The following AJM1 variants were observed in gnomAD, a reference collection of about 807,000 sequenced individuals.
The protein encoded by AJM1 is uncharacterized protein C9orf172.
A neutral mutation model predicts 43.0 loss-of-function variants in AJM1; 22 were observed. That is an observed-to-expected ratio of 0.51 (90% confidence interval 0.37 to 0.73). The LOEUF is 0.73. Among genes scored for constraint, AJM1 ranks in the 30% least tolerant of loss-of-function variants. The pLI is 0.00. For missense variants in AJM1, 1,305 were observed against 1,343.3 expected (o/e 0.97, Z 0.45); for synonymous variants, 719 against 638.3 (o/e 1.13, Z -1.91).
chr9:136,842,860 TG>T (rs1848721694), intron 1 of AJM1, among the ~76,000 whole-genome samples: 1 of 152,052 alleles, frequency 6.6e-6, no homozygotes. Context: ...CACCGACAGC[TG>T]CAGCCAGCAA....
rs1223267080 is a variant in AJM1, at chr9:136,846,764, G to A, written c.2350G>A (p.Glu784Lys). The change falls in exon 3 of 3, where the codon GAG becomes AAG. Residue 784 changes from glutamate to lysine, a missense_variant. By Grantham distance (56) the Glu-to-Lys change is moderately conservative (BLOSUM62 1). Transcript: ENST00000436881. ...ATCCCCCACCTACCTATCGCTGCGT[G>A]AGCTGGCCACACACGCGGCGCCCCT... ...LLSPTYLSLR[E>K]LATHAAPLGS... 1 of 1,598,218 alleles carries A rather than the reference G, an allele frequency of 6.3e-7. No homozygotes were observed. The highest frequency in any genetic ancestry group is 8.5e-7 in the Non-Finnish European group (1 of 1,176,638).
rs1399574299 is a variant in AJM1 at position 136,845,942 on chromosome 9, G to A, written c.1528G>A (p.Glu510Lys). The change falls in exon 3 of 3, where the codon GAG (glutamate) becomes AAG (lysine). Residue 510 changes from glutamate (E) to lysine (K), a missense_variant. Transcript: ENST00000436881. ...ACGCTACGCCGCACTGTCCCTGTCC[G>A]AGACGTCGCTGACGGAGAAGGGCCG... ...PRRYAALSLS[E>K]TSLTEKGRAG... 3 of 1,554,054 alleles carry A rather than the reference G, an allele frequency of 1.9e-6. No individual in the cohort carries two copies. Among genetic ancestry groups the A allele is most frequent in the Non-Finnish European group, 2.6e-6 (3 of 1,150,142 alleles).
Position 136,845,324 on chromosome 9 carries a change from G to A in AJM1, c.910G>A (p.Ala304Thr), listed in dbSNP as rs200347553. ...FAASPGPTFD[A>T]YYPRPYPSEE... ...AGCCAGTCCCGGCCCAACCTTCGAC[G>A]CCTACTACCCCAGGCCCTATCCGTC... Residue 304 changes from alanine to threonine, a missense_variant, in exon 3 of 3, where the codon GCC (alanine) becomes ACC (threonine). Ala to Thr is a moderately conservative substitution (Grantham distance 58). Coordinates refer to ENST00000436881, the MANE Select transcript of AJM1 (RefSeq NM_001080482.5). The A allele has an allele frequency of 8.3e-5, 134 of 1,612,144 alleles. No homozygotes were observed. In the African/African-American group the frequency reaches 1.7e-3, roughly 20 times the overall value.
In AJM1 at chr9:136,847,356, C is replaced by G; in HGVS notation, c.*11C>G. 1.3e-6 allele frequency: 2 copies of G among 1,499,482 alleles called. No homozygotes were observed. The highest frequency in any genetic ancestry group is 1.8e-6 in the Non-Finnish European group (2 of 1,126,232). The allele number at this position is 1,499,482 out of a possible 1,614,324, so 92.9% of individuals were successfully genotyped here. ...GACGACATCATGTGAGGCGCCGGGC[C>G]CACCAGGCCTAGCCCAGGCGCTGGC... On this transcript the variant is annotated 3_prime_UTR_variant, in exon 3 of 3. Coordinates refer to ENST00000436881, the MANE Select transcript of AJM1 (RefSeq NM_001080482.5).
chr9:136,847,746 C>G lies in AJM1; in HGVS notation c.*401C>G, dbSNP rs538266996. The G allele has an allele frequency of 5.2e-6, 1 of 190,606 alleles. No individual in the cohort carries two copies. The highest frequency in any genetic ancestry group is 1.1e-5 in the Non-Finnish European group (1 of 93,682). 11.8% of individuals were successfully genotyped at this position (190,606 alleles called of 1,614,324 possible). ...GAGCTCTGCCTTCACTCGGAGGGGT[C>G]ACTACTGCACAGACCCCACCCGTAG... is the stretch of plus-strand genomic sequence containing the variant. On this transcript the variant is annotated 3_prime_UTR_variant, in exon 3 of 3. Coordinates refer to ENST00000436881, the MANE Select transcript of AJM1 (RefSeq NM_001080482.5).
Position 136,845,515 on chromosome 9 carries a change from C to T in AJM1, c.1101C>T (p.Ala367=), listed in dbSNP as rs773156184. ...GPRYVPEEPR[A]HSTARPFYTE... is the part of the protein sequence containing the mutation. ...GCTATGTCCCCGAGGAGCCCCGGGC[C>T]CACTCCACCGCCCGCCCCTTTTACA... The change falls in exon 3 of 3, where the codon GCC becomes GCT. Residue 367 remains alanine, a synonymous_variant. Coordinates refer to ENST00000436881, the MANE Select transcript of AJM1 (RefSeq NM_001080482.5). The T allele has an allele frequency of 3.1e-6, 5 of 1,599,176 alleles. No individual in the cohort carries two copies. The highest frequency in any genetic ancestry group is 3.5e-5 in the Admixed American group (2 of 57,854).
chr9:136,843,263 ACT>A (rs1848727519), intron 1 of AJM1, among the ~76,000 whole-genome samples: 1 of 151,930 alleles, frequency 6.6e-6, no homozygotes, highest in African/African-American at 2.4e-5. Context: ...GCCTGTGGCC[ACT>A]CTCTGACGCA....
intron 1 of AJM1, among the ~76,000 whole-genome samples, chr9:136,843,223 C>A (rs1367050595): frequency 6.6e-6 from 1 of 152,254 alleles, no homozygotes; most frequent in African/African-American, 2.4e-5. Context: ...GTAGACCCCC[C>A]AGACCAGGTG....
intron 1 of AJM1, among the ~76,000 whole-genome samples, chr9:136,842,990 G>A (rs940941988): frequency 1.3e-5 from 2 of 149,820 alleles, no homozygotes; most frequent in Non-Finnish European, 3.0e-5. Context: ...TGCCACGGGT[G>A]GGGTGGAGGG....
chr9:136,843,423 CT>C (rs962158398), intron 1 of AJM1, among the ~76,000 whole-genome samples: 2 of 152,226 alleles, frequency 1.3e-5, no homozygotes, highest in Non-Finnish European at 2.9e-5. Flanking sequence ...AGCAGTGGGG[CT>C]TCCCCCACCC....
Position 136,845,216 on chromosome 9 carries a change from C to G in AJM1, c.802C>G (p.Arg268Gly), listed in dbSNP as rs774873860. 15 of 1,592,266 alleles carry G rather than the reference C, an allele frequency of 9.4e-6. No homozygotes were observed. Among genetic ancestry groups the G allele is most frequent in the Non-Finnish European group, 1.2e-5 (14 of 1,176,212 alleles). Residue 268 changes from arginine (R) to glycine (G), a missense_variant, in exon 3 of 3, where the codon CGC becomes GGC. Around this residue, in one of 6 missense-constraint regions of AJM1, gnomAD observed 653 missense variants for 549.1 expected, o/e 1.19. Transcript: ENST00000436881. ...LPGPRDYAER[R>G]SLPFTTPPGP... ...TGGGCCCCGGGACTACGCCGAGCGC[C>G]GCAGTCTGCCCTTCACCACCCCGCC...
intron 1 of AJM1, among the ~76,000 whole-genome samples, chr9:136,843,655 T>A (rs1406816937): frequency 6.6e-6 from 1 of 152,232 alleles, no homozygotes; most frequent in East Asian, 1.9e-4. Context: ...GGCCCGGGTA[T>A]GCTCTCTGGG....
In AJM1 at chr9:136,844,930, A is replaced by C. The variant is rs945428040; in HGVS notation, c.516A>C (p.Ala172=). 1 of 403,268 alleles carries C rather than the reference A, an allele frequency of 2.5e-6. No homozygotes were observed. The highest frequency in any genetic ancestry group is 4.3e-6 in the Non-Finnish European group (1 of 231,196). The allele number at this position is 403,268 out of a possible 1,614,324, so 25.0% of individuals were successfully genotyped here. A position where few individuals can be genotyped will look rare whatever the true frequency, so the allele number is the denominator to read the frequency against. The change falls in exon 3 of 3, where the codon GCA becomes GCC. Residue 172 remains alanine (A), a synonymous_variant. Transcript: ENST00000436881. The part of the protein sequence containing the change: ...APLCAAAGRC[A]PPEPPAGPAP... ...TGTGCGCCGCCGCGGGCCGCTGCGC[A>C]CCGCCCGAGCCACCCGCGGGTCCCG...
At position 136,847,398 on chromosome 9, in the gene AJM1, C is replaced by T. The variant is rs1274669850; in HGVS notation, c.*53C>T. 7.4e-7 allele frequency: 1 copy of T among 1,355,626 alleles called. No homozygotes were observed. The highest frequency in any genetic ancestry group is 3.2e-5 in the Admixed American group (1 of 31,702). The allele number at this position is 1,355,626 out of a possible 1,614,324, so 84.0% of individuals were successfully genotyped here. On this transcript the variant is annotated 3_prime_UTR_variant, in exon 3 of 3. Transcript: ENST00000436881. Reference sequence around the variant, plus strand: ...GGCGCTGGCCCGAACCCTGCCCTGCCCACTCAGGCCCCGCCCGGCCCACCC... The same window carrying T: ...GGCGCTGGCCCGAACCCTGCCCTGCTCACTCAGGCCCCGCCCGGCCCACCC...
chr9:136,844,034 C>T (rs967077037), intron 1 of AJM1, among the ~76,000 whole-genome samples, 162 bp from the exon 2 acceptor site: 4 of 152,302 alleles, frequency 2.6e-5, no homozygotes, highest in Admixed American at 2.6e-4. Context: ...CCGACCCCGC[C>T]GTCACTAGTC....
Position 136,845,899 on chromosome 9 carries a change from C to A in AJM1, c.1485C>A (p.Asn495Lys), listed in dbSNP as rs1338537447. 6.4e-7 allele frequency: 1 copy of A among 1,558,906 alleles called. No individual in the cohort carries two copies. Among genetic ancestry groups the A allele is most frequent in the Non-Finnish European group, 8.7e-7 (1 of 1,152,902 alleles). ...GCCGGCGCCCGCCCGTCGTCGTGAA[C>A]CTGTCCACCTCTCCCAGACGCTACG... ...PEGRRPPVVVNLSTSPRRYAA... is the reference protein window; with the variant it reads ...PEGRRPPVVVKLSTSPRRYAA... The change falls in exon 3 of 3, where the codon AAC becomes AAA. Residue 495 changes from asparagine (N) to lysine (K), a missense_variant. Asn to Lys is a moderately conservative substitution (Grantham distance 94, BLOSUM62 0). Coordinates refer to ENST00000436881, the MANE Select transcript of AJM1 (RefSeq NM_001080482.5).
At position 136,845,435 on chromosome 9, in the gene AJM1, T is replaced by G; in HGVS notation, c.1021T>G (p.Ser341Ala). ...CACCTTCCCAATCCAGGAACCGCCC[T>G]CCCGCTCCTACTATGGGGAGGCTCC... is the stretch of plus-strand genomic sequence containing the variant. ...VRTFPIQEPPSRSYYGEAPRA... is the reference protein window; with the variant it reads ...VRTFPIQEPPARSYYGEAPRA... The change falls in exon 3 of 3, where the codon TCC (serine) becomes GCC (alanine). Residue 341 changes from serine (S) to alanine (A), a missense_variant. Physicochemically the swap from Ser to Ala is moderately conservative, Grantham distance 99. Transcript: ENST00000436881. 1 of 1,611,472 alleles carries G rather than the reference T, an allele frequency of 6.2e-7. No individual in the cohort carries two copies. The highest frequency in any genetic ancestry group is 8.5e-7 in the Non-Finnish European group (1 of 1,179,512).
At position 136,846,450 on chromosome 9, in the gene AJM1, C is replaced by A; in HGVS notation, c.2036C>A (p.Ala679Asp). The change falls in exon 3 of 3, where the codon GCC becomes GAC. Residue 679 changes from alanine to aspartate, a missense_variant. By Grantham distance (126) the Ala-to-Asp change is moderately radical (BLOSUM62 -2). Transcript: ENST00000436881. ...CGGCGCACCGAGACCATGTTCAACG[C>A]CTGCCTCTACTTCAAGTCCTGCCAC... is the stretch of plus-strand genomic sequence containing the variant. ...RCRRTETMFNACLYFKSCHSC... is the reference protein window; with the variant it reads ...RCRRTETMFNDCLYFKSCHSC... 6.3e-7 allele frequency: 1 copy of A among 1,594,158 alleles called. No individual in the cohort carries two copies. Among genetic ancestry groups the A allele is most frequent in the Non-Finnish European group, 8.5e-7 (1 of 1,178,282 alleles).
At position 136,846,235 on chromosome 9, in the gene AJM1, C is replaced by T. The variant is rs1564378616; in HGVS notation, c.1821C>T (p.Gly607=). The part of the protein sequence containing the change: ...QASEPAADCL[G]PQLRRLLDSR... ...CAGAGCCCGCGGCCGACTGCCTGGG[C>T]CCCCAACTGCGCCGACTGCTGGACT... Residue 607 remains glycine (G), a synonymous_variant, in exon 3 of 3, where the codon GGC becomes GGT. Transcript: ENST00000436881. 3 of 1,466,924 alleles carry T rather than the reference C, an allele frequency of 2.0e-6. No individual in the cohort carries two copies. Among genetic ancestry groups the T allele is most frequent in the South Asian group, 2.6e-5 (2 of 77,404 alleles). 90.9% of individuals were successfully genotyped at this position (1,466,924 alleles called of 1,614,324 possible). A position where few individuals can be genotyped will look rare whatever the true frequency, so the allele number is the denominator to read the frequency against.
Sources: allele counts gnomAD v4.1 joint callset (sites outside exome capture counted in the v4.1 genomes callset), GRCh38; gene constraint gnomAD v4.1.1; regional missense constraint gnomAD v4.1.1; transcripts MANE v1.5; gene names NCBI Gene and HGNC (gene_info 2026-07-23, HGNC 2026-07-21).